COL12A1: variants seen among roughly 807,000 people sequenced by gnomAD.
COL12A1 encodes the protein collagen alpha-1(XII) chain.
Under a neutral mutation model 349.7 loss-of-function variants are expected in COL12A1, and 114 were observed. The observed-to-expected ratio is 0.33, with a 90% confidence interval of 0.28 to 0.38. The LOEUF (loss-of-function observed/expected upper bound fraction) is 0.38. Ranked by LOEUF, COL12A1 falls within the 10% of genes least tolerant of loss-of-function variation. COL12A1 has a pLI of 1.00. For missense variants in COL12A1, 3,284 were observed against 3,756.9 expected, an observed-to-expected ratio of 0.87 and a Z score of 3.29; for synonymous variants, 1,369 against 1,329.0, an observed-to-expected ratio of 1.03 and a Z score of -0.66.
At position 75,152,488 on chromosome 6, in the gene COL12A1, A is replaced by G. The variant is rs777940348; in HGVS notation, c.3566-6T>C. 3 of 1,613,114 alleles carry G rather than the reference A, an allele frequency of 1.9e-6. No individual in the cohort carries two copies. Among genetic ancestry groups the G allele is most frequent in the Non-Finnish European group, 2.5e-6 (3 of 1,179,500 alleles). ...TCTGGTGAGACACTCCATCCCTGAC[A>G]TGGCAATCATGAGACAAGACAGTAA... On this transcript the variant is annotated splice_region_variant and splice_polypyrimidine_tract_variant and intron_variant, in intron 17 of 65. Transcript: ENST00000322507.
chr6:75,096,744 A>C (rs1768049009), intron 59 of COL12A1, among the ~76,000 whole-genome samples: 1 of 151,992 alleles, frequency 6.6e-6, no homozygotes, highest in South Asian at 2.1e-4. Flanking sequence ...AAAATACAAA[A>C]AATTAGCCGG....
At chr6:75,089,564 G>T (rs1767659678) in intron 63 of COL12A1, among the ~76,000 whole-genome samples, 1 of 152,158 alleles carries the variant, frequency 6.6e-6, no homozygotes, top group Non-Finnish European at 1.5e-5. Context: ...AAATATGTAG[G>T]TTTTCTCTAG....
At chr6:75,125,597 G>A (rs549363931) in intron 39 of COL12A1, among the ~76,000 whole-genome samples, 35 of 152,110 alleles carry the variant, frequency 2.3e-4, no homozygotes, top group Non-Finnish European at 4.3e-4. Flanking sequence ...GCATATAGTA[G>A]GTGTCCAACT....
intron 60 of COL12A1, among the ~76,000 whole-genome samples, chr6:75,092,539 C>T (rs949222492): frequency 6.6e-6 from 1 of 151,718 alleles, no homozygotes; most frequent in African/African-American, 2.4e-5. Flanking sequence ...TATTTCCAGG[C>T]TGCCAACTGC....
At chr6:75,154,364 T>G (rs1767646627) in intron 17 of COL12A1, 52 bp downstream of exon 17, 1 of 1,586,284 alleles carries the variant, frequency 6.3e-7, no homozygotes, top group East Asian at 2.3e-5. Flanking sequence ...AGTTCACATT[T>G]GAAATAGTTT....
chr6:75,151,078 G>T (rs1199359617), intron 21 of COL12A1, 63 bp downstream of exon 21: 5 of 167,604 alleles, frequency 3.0e-5, no homozygotes, highest in African/African-American at 1.1e-4. Context: ...CCACCCAAAA[G>T]AATAATTATT....
rs1225767109 is a variant in COL12A1 at position 75,138,231 on chromosome 6, C to A, written c.5251+89G>T. On this transcript the variant is annotated intron_variant, in intron 30 of 65. Transcript: ENST00000322507. ...CATCTTAGGATTTAAAAGCAGATGA[C>A]CTATTTATTATGTATCTTATGGTAC... is the stretch of plus-strand genomic sequence containing the variant. 3.1e-6 allele frequency: 4 copies of A among 1,289,598 alleles called. No homozygotes were observed. In the East Asian group the frequency reaches 7.0e-5, roughly 22 times the overall value. The allele number at this position is 1,289,598 out of a possible 1,614,324, so 79.9% of individuals were successfully genotyped here.
At chr6:75,198,852 T>A (rs1770372425) in intron 2 of COL12A1, among the ~76,000 whole-genome samples, 1 of 152,200 alleles carries the variant, frequency 6.6e-6, no homozygotes, top group Non-Finnish European at 1.5e-5. Flanking sequence ...TACTAAGATC[T>A]TTAGTTTGAT....
rs1381259753 is a variant in COL12A1 at position 75,091,504 on chromosome 6, C to T, written c.8671G>A (p.Glu2891Lys). ...GRPGPSGLKGEKGDRGDIASQ... is the reference protein window; with the variant it reads ...GRPGPSGLKGKKGDRGDIASQ... ...AAAATACATACCCTATCACCTTTTT[C>T]TCCTTTCAACCCAGATGGACCCTGA... The change falls in exon 61 of 66, where the codon GAA becomes AAA. Residue 2891 changes from glutamate (E) to lysine (K), a missense_variant. By Grantham distance (56) the Glu-to-Lys change is moderately conservative (BLOSUM62 1). Around this residue, in one of 2 missense-constraint regions of COL12A1, gnomAD observed 683 missense variants for 932.1 expected, o/e 0.73. Coordinates refer to ENST00000322507, the MANE Select transcript of COL12A1 (RefSeq NM_004370.6). 1.9e-6 allele frequency: 3 copies of T among 1,612,248 alleles called. No individual in the cohort carries two copies. The African/African-American group carries it at 4.0e-5, about 22-fold the overall frequency.
chr6:75,091,140 C>T (rs575461502), intron 62 of COL12A1, among the ~76,000 whole-genome samples, 183 bp downstream of exon 62: 1 of 152,172 alleles, frequency 6.6e-6, no homozygotes, highest in South Asian at 2.1e-4. Flanking sequence ...ATCTTAGTGA[C>T]AATCTTTAAA....
At chr6:75,106,701 G>A (rs1582057698) in intron 52 of COL12A1, among the ~76,000 whole-genome samples, 1 of 152,160 alleles carries the variant, frequency 6.6e-6, no homozygotes, top group South Asian at 2.1e-4. Context: ...ACATGTATGT[G>A]AGATTCCCAC....
At chr6:75,194,614 C>T (rs1241930513) in intron 3 of COL12A1, among the ~76,000 whole-genome samples, 1 of 152,072 alleles carries the variant, frequency 6.6e-6, no homozygotes, top group Non-Finnish European at 1.5e-5. Context: ...TAACAACCTA[C>T]CACAGCAAAA....
chr6:75,205,139 G>C (rs1023881473), intron 1 of COL12A1, among the ~76,000 whole-genome samples: 2 of 151,454 alleles, frequency 1.3e-5, no homozygotes, highest in African/African-American at 4.9e-5. Context: ...TGCACCGGGA[G>C]GGAGTCGGAG....
At chr6:75,094,366 A>T (rs1196497674) in intron 60 of COL12A1, among the ~76,000 whole-genome samples, 1 of 152,232 alleles carries the variant, frequency 6.6e-6, no homozygotes, top group Non-Finnish European at 1.5e-5. Flanking sequence ...TGGACAAAAA[A>T]AATTGCTTAA....
chr6:75,117,290 A>T, intron 47 of COL12A1, 92 bp downstream of exon 47: 1 of 1,309,184 alleles, frequency 7.6e-7, no homozygotes, highest in Non-Finnish European at 1.1e-6. Flanking sequence ...ATTTATGCAC[A>T]GACTTGATCC....
chr6:75,114,418 C>T (rs1157136184), intron 49 of COL12A1, among the ~76,000 whole-genome samples: 1 of 151,988 alleles, frequency 6.6e-6, no homozygotes, highest in Non-Finnish European at 1.5e-5. Flanking sequence ...TGGCCCTCAG[C>T]TGTAAGACAG....
chr6:75,189,431 CA>C (rs763955129), intron 6 of COL12A1, 50 bp from the exon 7 acceptor site: 1 of 1,585,950 alleles, frequency 6.3e-7, no homozygotes, highest in Admixed American at 1.8e-5. Context: ...ACAATTTTTC[CA>C]AAGTCAAAAA....
In COL12A1 at chr6:75,145,985, T is replaced by G. The variant is rs1049117344; in HGVS notation, c.4560+117A>C. The G allele has an allele frequency of 5.1e-6, 6 of 1,167,370 alleles. No individual in the cohort carries two copies. In the African/African-American group the frequency reaches 9.3e-5, roughly 18 times the overall value. 72.3% of individuals were successfully genotyped at this position (1,167,370 alleles called of 1,614,324 possible). ...GCAGACCACAAACCTACTTTTCTAT[T>G]TTTCCATTTTGTACGTAAAGTTATA... On this transcript the variant is annotated intron_variant, in intron 24 of 65. Coordinates refer to ENST00000322507, the MANE Select transcript of COL12A1 (RefSeq NM_004370.6).
At chr6:75,203,817 T>C (rs1433389132) in intron 1 of COL12A1, among the ~76,000 whole-genome samples, 1 of 152,204 alleles carries the variant, frequency 6.6e-6, no homozygotes, top group Non-Finnish European at 1.5e-5. Flanking sequence ...AAGTTGCCAG[T>C]GGCAAAACAT....
Sources: allele counts gnomAD v4.1 joint callset (sites outside exome capture counted in the v4.1 genomes callset), GRCh38; gene constraint gnomAD v4.1.1; regional missense constraint gnomAD v4.1.1; transcripts MANE v1.5; gene names NCBI Gene and HGNC (gene_info 2026-07-23, HGNC 2026-07-21).